Variants in UBE2Q2 observed in about 807,000 individuals in gnomAD.
UBE2Q2 encodes the protein ubiquitin conjugating enzyme E2 Q2.
UBE2Q2 carries 54 observed loss-of-function variants against 59.9 expected under a neutral mutation model. The observed-to-expected ratio is 0.90, with a 90% CI of 0.72 to 1.13. UBE2Q2 has a LOEUF of 1.13. UBE2Q2 is among the 50% of genes most tolerant of loss of function. UBE2Q2 has a pLI of 0.00. For missense variants in UBE2Q2, 433 were observed against 441.9 expected (o/e 0.98, Z 0.18); for synonymous variants, 165 against 155.2 (o/e 1.06, Z -0.47).
Position 75,843,589 on chromosome 15 carries a change from T to G in UBE2Q2, c.-78T>G. On this transcript the variant is annotated 5_prime_UTR_variant, in exon 1 of 13. Transcript: ENST00000267938. ...CGGCCCCGCGGGGCGGTCGCGGCCG[T>G]GACGGCGGCTCCGGGCCCGGCTCCC... 7.8e-7 allele frequency: 1 copy of G among 1,283,944 alleles called. No homozygotes were observed. The highest frequency in any genetic ancestry group is 3.0e-5 in the Admixed American group (1 of 33,314). 79.5% of individuals were successfully genotyped at this position (1,283,944 alleles called of 1,614,324 possible).
chr15:75,867,818 C>T (rs932201818), intron 3 of UBE2Q2, among the ~76,000 whole-genome samples: 12 of 152,076 alleles, frequency 7.9e-5, no homozygotes, highest in Non-Finnish European at 1.3e-4. Context: ...CAACCAAACT[C>T]TTTGGGAGTT....
At chr15:75,875,482 G>A (rs771867446) in intron 5 of UBE2Q2, among the ~76,000 whole-genome samples, 1 of 152,286 alleles carries the variant, frequency 6.6e-6, no homozygotes, top group Non-Finnish European at 1.5e-5. Context: ...CTTAATGTGC[G>A]AACTAGACCA....
chr15:75,845,831 G>A (rs1042299898), intron 1 of UBE2Q2, among the ~76,000 whole-genome samples: 2 of 152,174 alleles, frequency 1.3e-5, no homozygotes, highest in African/African-American at 2.4e-5. Context: ...GTCTGCTGCA[G>A]ATAAAAATAA....
chr15:75,853,547 G>A (rs1048427098), intron 1 of UBE2Q2, among the ~76,000 whole-genome samples: 4 of 151,712 alleles, frequency 2.6e-5, no homozygotes, highest in African/African-American at 9.7e-5. Context: ...TGTAGTAATG[G>A]CATTTCTTGG....
intron 4 of UBE2Q2, 118 bp downstream of exon 4, chr15:75,869,128 T>A: frequency 1.2e-6 from 1 of 848,116 alleles, no homozygotes; most frequent in Non-Finnish European, 1.8e-6. Flanking sequence ...GCACATTGTG[T>A]TTGGAATGGA....
At chr15:75,892,375 A>G (rs1899151819) in intron 11 of UBE2Q2, among the ~76,000 whole-genome samples, 1 of 152,254 alleles carries the variant, frequency 6.6e-6, no homozygotes, top group East Asian at 1.9e-4. Flanking sequence ...TATGTTTCCC[A>G]AGGACAGTAG....
chr15:75,892,993 A>G (rs1453648238), intron 11 of UBE2Q2, among the ~76,000 whole-genome samples: 1 of 152,220 alleles, frequency 6.6e-6, no homozygotes, highest in Non-Finnish European at 1.5e-5. Context: ...ATGAGGATAG[A>G]TGATAGGGCA....
At chr15:75,890,794 T>C in intron 10 of UBE2Q2, 125 bp from the exon 11 acceptor site, 1 of 822,642 alleles carries the variant, frequency 1.2e-6, no homozygotes, top group Non-Finnish European at 1.9e-6. Context: ...TTTTACTTTT[T>C]CCCCTTGACT....
intron 11 of UBE2Q2, among the ~76,000 whole-genome samples, chr15:75,891,393 A>C (rs1047117527): frequency 6.6e-6 from 1 of 152,004 alleles, no homozygotes; most frequent in African/African-American, 2.4e-5. Flanking sequence ...AGTTCATGTT[A>C]TAGAACTAAT....
In UBE2Q2 at chr15:75,885,357, CCG is replaced by C. The variant is rs1898700608; in HGVS notation, c.884+1935_884+1936del. On this transcript the variant is annotated intron_variant, in intron 9 of 12. Coordinates refer to ENST00000267938, the MANE Select transcript of UBE2Q2 (RefSeq NM_173469.4). The stretch of plus-strand genomic sequence containing the variant: ...GGTCTCTATCTCTTGACCTCGTGAT[CCG>C]CCTGCCTCAGCCTCCCAAAGTGCTG... 3.9e-5 allele frequency among the ~76,000 whole-genome samples: 6 copies of C among 152,156 alleles called. No individual in the cohort carries two copies. The East Asian group carries it at 9.7e-4, about 25-fold the overall frequency.
At chr15:75,862,758 T>C (rs1207398453) in intron 3 of UBE2Q2, among the ~76,000 whole-genome samples, 1 of 132,608 alleles carries the variant, frequency 7.5e-6, no homozygotes, top group African/African-American at 2.9e-5. Flanking sequence ...AAGGCTGCAG[T>C]GGGCTGTGAT....
At chr15:75,864,712 G>T (rs1897370792) in intron 3 of UBE2Q2, among the ~76,000 whole-genome samples, 1 of 150,700 alleles carries the variant, frequency 6.6e-6, no homozygotes, top group African/African-American at 2.4e-5. Context: ...TCTTTATCTT[G>T]ATTACTTATC....
chr15:75,846,690 A>T (rs1896368943), intron 1 of UBE2Q2, among the ~76,000 whole-genome samples: 1 of 152,202 alleles, frequency 6.6e-6, no homozygotes, highest in African/African-American at 2.4e-5. Flanking sequence ...GGAAAAGGTA[A>T]TGAGTTTGAC....
At chr15:75,891,217 C>T (rs181426169) in intron 11 of UBE2Q2, among the ~76,000 whole-genome samples, 20 of 152,088 alleles carry the variant, frequency 1.3e-4, no homozygotes, top group Admixed American at 5.9e-4. Context: ...TTAATGATTT[C>T]GTATCTGTTT....
At chr15:75,869,141 A>G in intron 4 of UBE2Q2, 131 bp downstream of exon 4, 1 of 750,010 alleles carries the variant, frequency 1.3e-6, no homozygotes, top group Non-Finnish European at 2.1e-6. Flanking sequence ...GGAATGGAAT[A>G]TAATTTCCCA....
At chr15:75,858,421 A>T (rs1473723784) in intron 2 of UBE2Q2, among the ~76,000 whole-genome samples, 1 of 152,150 alleles carries the variant, frequency 6.6e-6, no homozygotes, top group African/African-American at 2.4e-5. Flanking sequence ...CTAGTCACCC[A>T]TACCCAAACC....
chr15:75,893,486 AC>A (rs1226288551), intron 11 of UBE2Q2, among the ~76,000 whole-genome samples: 1 of 152,232 alleles, frequency 6.6e-6, no homozygotes, highest in Non-Finnish European at 1.5e-5. Flanking sequence ...TGACAAGTCC[AC>A]CATCACAGTT....
intron 11 of UBE2Q2, among the ~76,000 whole-genome samples, chr15:75,891,284 A>G (rs1899089693): frequency 6.6e-6 from 1 of 152,022 alleles, no homozygotes; most frequent in African/African-American, 2.4e-5. Flanking sequence ...GTAAACAAAA[A>G]CTTATTTGTA....
chr15:75,867,679 G>A (rs1022227859), intron 3 of UBE2Q2, among the ~76,000 whole-genome samples: 1 of 152,152 alleles, frequency 6.6e-6, no homozygotes, highest in East Asian at 1.9e-4. Context: ...TAAAATGAGG[G>A]ATAGTAACTG....
Sources: gnomAD v4.1 joint callset for allele counts (sites outside exome capture counted in the v4.1 genomes callset) on GRCh38, gnomAD v4.1.1 for gene constraint, MANE v1.5 for transcripts, NCBI Gene and HGNC (gene_info 2026-07-23, HGNC 2026-07-21) for gene names.